The following PPHLN1 variants were observed in gnomAD, a reference collection of about 807,000 sequenced individuals.
PPHLN1 encodes periphilin 1.
In PPHLN1, 29 loss-of-function variants were observed where a neutral mutation model predicts 51.3. That is an observed-to-expected ratio of 0.57 (90% CI 0.42 to 0.77). The LOEUF (loss-of-function observed/expected upper bound fraction) is 0.77, where lower values mean the gene tolerates loss of function less well. Among genes scored for constraint, PPHLN1 ranks in the 30% least tolerant of loss-of-function variants. The probability of loss-of-function intolerance (pLI) is 0.00; values close to 1 mark genes in which losing one functional copy is unlikely to be tolerated. For synonymous variants in PPHLN1, 147 were observed against 147.8 expected (o/e 0.99, Z 0.04); for missense variants, 436 against 438.4 (o/e 0.99, Z 0.05).
At chr12:42,371,111 G>GTTT (rs59324305) in intron 4 of PPHLN1, among the ~76,000 whole-genome samples, 2 of 64,694 alleles carry the variant, frequency 3.1e-5, no homozygotes, top group African/African-American at 6.3e-5. Context: ...CCAGCCTGGT[G>GTTT]TTTTTTTTTT....
intron 2 of PPHLN1, among the ~76,000 whole-genome samples, chr12:42,342,620 A>G (rs1370453245): frequency 6.6e-6 from 1 of 152,266 alleles, no homozygotes; most frequent in Non-Finnish European, 1.5e-5. Context: ...AATTAGGATC[A>G]GAGCACTAGC....
intron 7 of PPHLN1, among the ~76,000 whole-genome samples, chr12:42,390,924 C>T (rs2077650948): frequency 6.6e-6 from 1 of 151,300 alleles, no homozygotes; most frequent in South Asian, 2.1e-4. Context: ...CCTTGGCCTC[C>T]TAAAGTGCTG....
At chr12:42,359,920 C>A (rs762287357) in intron 4 of PPHLN1, among the ~76,000 whole-genome samples, 1 of 151,840 alleles carries the variant, frequency 6.6e-6, no homozygotes, top group Non-Finnish European at 1.5e-5. Context: ...CCAGCCTGGC[C>A]ATTATGACAA....
intron 1 of PPHLN1, 27 bp from the exon 2 acceptor site, chr12:42,335,856 A>G: frequency 7.2e-7 from 1 of 1,384,378 alleles, no homozygotes; most frequent in South Asian, 1.5e-5. Flanking sequence ...CTAGTATAAA[A>G]TCCATAATTC....
At position 42,426,217 on chromosome 12, in the gene PPHLN1, CACACACACACA is replaced by C. The variant is rs1566010347; in HGVS notation, c.910-15097_910-15087del. ...ACACACACACACACACACACACACA[CACACACACACA>C]CCCTCATGCATTGTCTCATGGCAGT... On this transcript the variant is annotated intron_variant, in intron 9 of 9. Coordinates refer to ENST00000358314, the MANE Select transcript of PPHLN1 (RefSeq NM_201439.2). Among the ~76,000 whole-genome samples, 654 of 124,456 alleles carry C rather than the reference CACACACACACA, an allele frequency of 5.3e-3. 5 individuals carry two copies. The highest frequency in any genetic ancestry group is 8.7e-3 in the Non-Finnish European group (493 of 56,870). The allele number at this position is 124,456 out of a possible 152,430, so 81.6% of individuals were successfully genotyped here.
chr12:42,442,295 A>G (rs1336298853), downstream of PPHLN1: 2 of 171,428 alleles, frequency 1.2e-5, no homozygotes, highest in African/African-American at 4.7e-5. Context: ...GAGAGAATAA[A>G]GCTGAAGGCA....
chr12:42,367,738 A>T (rs1388675777), intron 4 of PPHLN1, among the ~76,000 whole-genome samples: 2 of 152,018 alleles, frequency 1.3e-5, no homozygotes. Flanking sequence ...AATCATTATT[A>T]TTATTAAGTT....
intron 9 of PPHLN1, among the ~76,000 whole-genome samples, chr12:42,415,554 C>T (rs1565983048): frequency 6.6e-6 from 1 of 152,216 alleles, no homozygotes. Flanking sequence ...TATGTAGACC[C>T]CTCAGATCCA....
At chr12:42,432,018 C>T (rs2082080322) in intron 9 of PPHLN1, 1 of 1,510,288 alleles carries the variant, frequency 6.6e-7, no homozygotes, top group Non-Finnish European at 9.2e-7. Context: ...GTATGGATTG[C>T]TGTCTGGATC....
At chr12:42,446,413 T>A (rs1212520078), downstream of PPHLN1, 1 of 1,397,218 alleles carries the variant, frequency 7.2e-7, no homozygotes, top group Non-Finnish European at 9.6e-7. Flanking sequence ...GCAGTGTGAC[T>A]TTTTAGCTAG....
At chr12:42,335,846 C>T in intron 1 of PPHLN1, 37 bp from the exon 2 acceptor site, 1 of 1,234,792 alleles carries the variant, frequency 8.1e-7, no homozygotes, top group Non-Finnish European at 1.1e-6. Flanking sequence ...CTGTTACTTC[C>T]TAGTATAAAA....
At chr12:42,411,949 G>GTAATCCCA (rs982336891) in intron 9 of PPHLN1, among the ~76,000 whole-genome samples, 5 of 142,614 alleles carry the variant, frequency 3.5e-5, no homozygotes, top group Non-Finnish European at 7.5e-5. Context: ...TCTCACGCCT[G>GTAATCCCA]TAATCCCAGC....
intron 2 of PPHLN1, among the ~76,000 whole-genome samples, chr12:42,337,224 A>G (rs2070785075): frequency 6.7e-6 from 1 of 148,624 alleles, no homozygotes; most frequent in Non-Finnish European, 1.5e-5. Flanking sequence ...TCTGCCAAGG[A>G]TATATCCCAT....
downstream of PPHLN1, chr12:42,444,722 G>A: frequency 3.5e-6 from 1 of 288,426 alleles, no homozygotes; most frequent in East Asian, 8.1e-5. Flanking sequence ...TAGACCTTCA[G>A]ATAGCACTCT....
At chr12:42,373,592 G>T (rs2075992986) in intron 4 of PPHLN1, among the ~76,000 whole-genome samples, 1 of 152,162 alleles carries the variant, frequency 6.6e-6, no homozygotes, top group African/African-American at 2.4e-5. Flanking sequence ...ATTCTTTAAT[G>T]TTGCAGTACA....
At chr12:42,402,838 A>C (rs1362062959) in intron 9 of PPHLN1, among the ~76,000 whole-genome samples, 1 of 152,192 alleles carries the variant, frequency 6.6e-6, no homozygotes, top group Non-Finnish European at 1.5e-5. Context: ...ATTTAATTGT[A>C]AGTGTTGTAG....
intron 2 of PPHLN1, among the ~76,000 whole-genome samples, chr12:42,342,036 G>T (rs748562309): frequency 6.6e-6 from 1 of 152,112 alleles, no homozygotes; most frequent in Non-Finnish European, 1.5e-5. Flanking sequence ...TCAAAGAAGT[G>T]CACTACAGAG....
chr12:42,413,341 C>T (rs2080045446), intron 9 of PPHLN1, among the ~76,000 whole-genome samples: 1 of 152,068 alleles, frequency 6.6e-6, no homozygotes, highest in African/African-American at 2.4e-5. Context: ...TGTGGCTATC[C>T]AGTTTTTCCA....
Position 42,441,945 on chromosome 12 carries a change from T to G in PPHLN1, c.*436T>G. The G allele has an allele frequency of 1.0e-6, 1 of 963,748 alleles. No individual in the cohort carries two copies. The highest frequency in any genetic ancestry group is 1.2e-6 in the Non-Finnish European group (1 of 809,954). The allele number at this position is 963,748 out of a possible 1,614,324, so 59.7% of individuals were successfully genotyped here. On this transcript the variant is annotated 3_prime_UTR_variant, in exon 10 of 10. Coordinates refer to ENST00000358314, the MANE Select transcript of PPHLN1 (RefSeq NM_201439.2). Reference sequence around the variant, plus strand: ...TGTACTATCCTAATAAACTGAATACTTTGGTATCTTAGAGAATATTTGCTT... The same window carrying G: ...TGTACTATCCTAATAAACTGAATACGTTGGTATCTTAGAGAATATTTGCTT...
Sources: allele counts gnomAD v4.1 joint callset (sites outside exome capture counted in the v4.1 genomes callset), GRCh38; gene constraint gnomAD v4.1.1; transcripts MANE v1.5; gene names NCBI Gene and HGNC (gene_info 2026-07-23, HGNC 2026-07-21).